The following SLC6A7 variants were observed in gnomAD, a reference collection of about 807,000 sequenced individuals.
The protein encoded by SLC6A7 is sodium-dependent proline transporter.
In SLC6A7, 58 loss-of-function variants were observed where a neutral mutation model predicts 73.1. The observed-to-expected ratio is 0.79, with a 90% CI of 0.64 to 0.99. The LOEUF (loss-of-function observed/expected upper bound fraction) is 0.99, where lower values mean the gene tolerates loss of function less well. Ranked by LOEUF, SLC6A7 falls within the 50% of genes least tolerant of loss-of-function variation. The probability of loss-of-function intolerance (pLI) is 0.00; values close to 1 mark genes in which losing one functional copy is unlikely to be tolerated. For missense variants in SLC6A7, 783 were observed against 831.4 expected (o/e 0.94, Z 0.72); for synonymous variants, 338 against 338.7 (o/e 1.00, Z 0.02).
intron 13 of SLC6A7, among the ~76,000 whole-genome samples, chr5:150,208,823 A>G (rs1036765504): frequency 6.6e-6 from 1 of 152,174 alleles, no homozygotes; most frequent in African/African-American, 2.4e-5. Context: ...GACTCCGTCC[A>G]TGGAAACTGG....
chr5:150,207,031 G>C (rs915526075), intron 13 of SLC6A7, among the ~76,000 whole-genome samples: 6 of 152,230 alleles, frequency 3.9e-5, no homozygotes, highest in African/African-American at 1.4e-4. Context: ...AGAGGCCAGG[G>C]CTTCCAGCAC....
chr5:150,203,987 A>G lies in SLC6A7; in HGVS notation c.1281A>G (p.Ser427=). Residue 427 remains serine (S), a synonymous_variant, in exon 10 of 14, where the codon TCA becomes TCG. Coordinates refer to ENST00000230671, the MANE Select transcript of SLC6A7 (RefSeq NM_014228.5). ...YYLRPKKAVF[S]GLICVAMYLM... is the part of the protein sequence containing the mutation. ...TGCGGCCCAAGAAGGCGGTGTTCTC[A>G]GGGCTCATCTGCGTGGCCATGTACC... 3 of 1,613,712 alleles carry G rather than the reference A, an allele frequency of 1.9e-6. No homozygotes were observed. Among genetic ancestry groups the G allele is most frequent in the South Asian group, 1.1e-5 (1 of 91,012 alleles).
intron 1 of SLC6A7, among the ~76,000 whole-genome samples, chr5:150,191,187 A>T (rs1580848656): frequency 6.6e-6 from 1 of 151,950 alleles, no homozygotes; most frequent in Non-Finnish European, 1.5e-5. Flanking sequence ...TCTAACCTGA[A>T]CCTCCTCTGG....
chr5:150,194,775 C>G lies in SLC6A7; in HGVS notation c.81C>G (p.Val27=). 1 of 1,614,120 alleles carries G rather than the reference C, an allele frequency of 6.2e-7. No individual in the cohort carries two copies. Among genetic ancestry groups the G allele is most frequent in the Non-Finnish European group, 8.5e-7 (1 of 1,180,008 alleles). The change falls in exon 2 of 14, where the codon GTC becomes GTG. Residue 27 remains valine (V), a synonymous_variant. Coordinates refer to ENST00000230671, the MANE Select transcript of SLC6A7 (RefSeq NM_014228.5). ...LLMTPSDQGD[V]DLDVDFAAHR... is the part of the protein sequence containing the mutation. ...TGACCCCCAGTGACCAGGGCGATGT[C>G]GACCTGGATGTGGACTTTGCTGCAC...
Position 150,203,903 on chromosome 5 carries a change from T to C in SLC6A7, c.1201-4T>C. On this transcript the variant is annotated splice_polypyrimidine_tract_variant and splice_region_variant and intron_variant, in intron 9 of 13. Coordinates refer to ENST00000230671, the MANE Select transcript of SLC6A7 (RefSeq NM_014228.5). ...CTGACCCCCAGCCCCTCCTCTCTCC[T>C]CAGTTTGCTTTTCTGGAGACCATTG... The C allele has an allele frequency of 6.2e-7, 1 of 1,606,270 alleles. No individual in the cohort carries two copies. Among genetic ancestry groups the C allele is most frequent in the Non-Finnish European group, 8.5e-7 (1 of 1,176,478 alleles).
intron 1 of SLC6A7, among the ~76,000 whole-genome samples, chr5:150,194,196 G>A (rs1470477723): frequency 6.6e-6 from 1 of 152,122 alleles, no homozygotes; most frequent in African/African-American, 2.4e-5. Flanking sequence ...TTGGGAGGCC[G>A]AGGCGGGTGG....
intron 6 of SLC6A7, 73 bp downstream of exon 6, chr5:150,201,296 G>T: frequency 6.6e-6 from 8 of 1,205,664 alleles, no homozygotes; most frequent in Non-Finnish European, 9.3e-6. Flanking sequence ...GGCTCCCTGG[G>T]ACACCGCAGT....
intron 13 of SLC6A7, among the ~76,000 whole-genome samples, chr5:150,207,001 A>G (rs1753733912): frequency 6.6e-6 from 1 of 152,224 alleles, no homozygotes. Flanking sequence ...GGCATTCCCC[A>G]GCTCAGGAAT....
At chr5:150,200,887 G>A (rs559167377) in intron 5 of SLC6A7, among the ~76,000 whole-genome samples, 3 of 152,320 alleles carry the variant, frequency 2.0e-5, no homozygotes, top group Non-Finnish European at 4.4e-5. Context: ...GGGCTGCAGT[G>A]GACATGGCCT....
intron 10 of SLC6A7, among the ~76,000 whole-genome samples, 189 bp downstream of exon 10, chr5:150,204,227 A>G (rs1753561204): frequency 6.6e-6 from 1 of 152,116 alleles, no homozygotes; most frequent in Non-Finnish European, 1.5e-5. Flanking sequence ...CTGGCTGTGG[A>G]GATTTAGTCT....
rs1302073262 is a variant in SLC6A7 at position 150,190,101 on chromosome 5, GC to G, written c.-226del. 2 of 446,310 alleles carry G rather than the reference GC, an allele frequency of 4.5e-6. No individual in the cohort carries two copies. The allele number at this position is 446,310 out of a possible 1,614,324, so 27.6% of individuals were successfully genotyped here. On this transcript the variant is annotated 5_prime_UTR_variant, in exon 1 of 14. The change creates a premature stop within an existing upstream ORF in the 5' untranslated region. Coordinates refer to ENST00000230671, the MANE Select transcript of SLC6A7 (RefSeq NM_014228.5). ...TGGGTGTCTATGCGGGCGCAGCAGT[GC>G]ACCCTTCCCCAGCCTCGGGCGCTGC... is the stretch of plus-strand genomic sequence containing the variant.
rs1753143678 is a variant in SLC6A7, at chr5:150,198,093, AAGAAAGAAAGAAAGAAAGAAAGAG to A, written c.584+819_584+842del. On this transcript the variant is annotated intron_variant, in intron 4 of 13. Transcript: ENST00000230671. ...AAAGAAAGAAAGAAAGAAAGAAAGA[AAGAAAGAAAGAAAGAAAGAAAGAG>A]AAAGAAAGAAAGAAAGAAAGAAAGC... Among the ~76,000 whole-genome samples the A allele has an allele frequency of 1.0e-4, 11 of 106,586 alleles. 1 individual carries two copies. The highest frequency in any genetic ancestry group is 3.2e-4 in the African/African-American group (9 of 28,438). The allele number at this position is 106,586 out of a possible 152,430, so 69.9% of individuals were successfully genotyped here.
At chr5:150,197,546 A>G (rs975850827) in intron 4 of SLC6A7, among the ~76,000 whole-genome samples, 1 of 152,366 alleles carries the variant, frequency 6.6e-6, no homozygotes. Flanking sequence ...GAGAGAAAGC[A>G]TATATTAATA....
chr5:150,203,341 C>T (rs914008051), intron 8 of SLC6A7, among the ~76,000 whole-genome samples: 4 of 152,162 alleles, frequency 2.6e-5, no homozygotes, highest in Admixed American at 2.0e-4. Flanking sequence ...TCTTGTGAAT[C>T]ACTGTGTCTT....
At position 150,202,625 on chromosome 5, in the gene SLC6A7, G is replaced by C. The variant is rs368148370; in HGVS notation, c.1009G>C (p.Ala337Pro). 10 of 1,614,060 alleles carry C rather than the reference G, an allele frequency of 6.2e-6. No individual in the cohort carries two copies. Among genetic ancestry groups the C allele is most frequent in the Non-Finnish European group, 7.6e-6 (9 of 1,180,018 alleles). The change falls in exon 8 of 14, where the codon GCT becomes CCT. Residue 337 changes from alanine (A) to proline (P), a missense_variant. By Grantham distance (27) the Ala-to-Pro change is conservative. Transcript: ENST00000230671. ...GGGCAACGCCATCACCAGCATCCTG[G>C]CTGGCTTTGCCATCTTCTCCGTGCT... Reference protein sequence around the residue: ...TLGNAITSILAGFAIFSVLGY... With the variant: ...TLGNAITSILPGFAIFSVLGY...
intron 13 of SLC6A7, among the ~76,000 whole-genome samples, chr5:150,206,471 A>G (rs1161085172): frequency 1.3e-5 from 2 of 152,218 alleles, no homozygotes; most frequent in Non-Finnish European, 2.9e-5. Flanking sequence ...GAAAATGGCT[A>G]CAAAGCGGGC....
intron 2 of SLC6A7, 97 bp from the exon 3 acceptor site, chr5:150,196,619 G>A (rs1372713842): frequency 5.8e-6 from 7 of 1,204,564 alleles, no homozygotes; most frequent in Non-Finnish European, 7.1e-6. Flanking sequence ...CATCAGGTCT[G>A]AGGGGGCATC....
chr5:150,203,921 G>A lies in SLC6A7; in HGVS notation c.1215G>A (p.Glu405=), dbSNP rs2113984602. 6.2e-7 allele frequency: 1 copy of A among 1,612,826 alleles called. No individual in the cohort carries two copies. Among genetic ancestry groups the A allele is most frequent in the African/African-American group, 1.3e-5 (1 of 74,526 alleles). ...LGLDSQFAFL[E]TIVTAVTDEF... ...TCTCTCCTCAGTTTGCTTTTCTGGA[G>A]ACCATTGTGACAGCTGTGACAGATG... The change falls in exon 10 of 14, where the codon GAG becomes GAA. Residue 405 remains glutamate, a synonymous_variant. Transcript: ENST00000230671.
At chr5:150,201,315 C>T (rs750205436) in intron 6 of SLC6A7, 92 bp downstream of exon 6, 1 of 828,322 alleles carries the variant, frequency 1.2e-6, no homozygotes, top group Non-Finnish European at 1.8e-6. Context: ...GTACCAGGCA[C>T]TCTGCTCAGC....
Sources: gnomAD v4.1 joint callset for allele counts (sites outside exome capture counted in the v4.1 genomes callset) on GRCh38, gnomAD v4.1.1 for gene constraint, MANE v1.5 for transcripts, NCBI Gene and HGNC (gene_info 2026-07-23, HGNC 2026-07-21) for gene names.